The following PSMC3 variants were observed in gnomAD, a reference collection of about 807,000 sequenced individuals.
PSMC3 encodes 26S proteasome regulatory subunit 6A.
Under a neutral mutation model 52.0 loss-of-function variants are expected in PSMC3, and 11 were observed. That is an observed-to-expected ratio of 0.21 (90% CI 0.13 to 0.35). The LOEUF (loss-of-function observed/expected upper bound fraction) is 0.35. Ranked by LOEUF, PSMC3 falls within the 10% of genes least tolerant of loss-of-function variation. The pLI, the probability that PSMC3 is intolerant of heterozygous loss-of-function variation, is 1.00. For synonymous variants in PSMC3, 201 were observed against 218.8 expected (o/e 0.92, Z 0.72); for missense variants, 238 against 567.1 (o/e 0.42, Z 5.89).
In PSMC3 at chr11:47,420,223, G is replaced by A. The variant is rs766802835; in HGVS notation, c.1127+41C>T. 59 of 1,603,660 alleles carry A rather than the reference G, an allele frequency of 3.7e-5. No homozygotes were observed. In the South Asian group the frequency reaches 4.3e-4, roughly 12 times the overall value. On this transcript the variant is annotated intron_variant, in intron 10 of 11. Transcript: ENST00000298852. ...AAGCATGGCAGAGACATCCTCCTGC[G>A]CCTGTTCAGGTCTCTGTGCCCTGCC...
Position 47,424,002 on chromosome 11 carries a change from TA to T in PSMC3, c.591+43del, listed in dbSNP as rs747885819. ...AGCTGCATCAATGGCGTGGAGAAAC[TA>T]AAAGGCTGACAAGGCTGCTGGCAGC... On this transcript the variant is annotated intron_variant, in intron 6 of 11. Coordinates refer to ENST00000298852, the MANE Select transcript of PSMC3 (RefSeq NM_002804.5). The surrounding 1 kb of genome is among the most constrained non-coding windows in gnomAD (Gnocchi z 4.8). 2 of 1,613,748 alleles carry T rather than the reference TA, an allele frequency of 1.2e-6. No homozygotes were observed. The highest frequency in any genetic ancestry group is 1.7e-6 in the Non-Finnish European group (2 of 1,179,778).
Position 47,419,070 on chromosome 11 carries a change from G to T in PSMC3, c.1209+46C>A, listed in dbSNP as rs771796145. Reference sequence around the variant, plus strand: ...ATGCCCCCATCCTGTCCAGGGAGGGGGCAAGAAGGCACAAAGCAACGCACC... The same window carrying T: ...ATGCCCCCATCCTGTCCAGGGAGGGTGCAAGAAGGCACAAAGCAACGCACC... On this transcript the variant is annotated intron_variant, in intron 11 of 11. Transcript: ENST00000298852. 2.5e-6 allele frequency: 4 copies of T among 1,611,482 alleles called. No homozygotes were observed. In the South Asian group the frequency reaches 4.4e-5, roughly 18 times the overall value.
At chr11:47,425,453 G>T in intron 2 of PSMC3, 1 of 619,412 alleles carries the variant, frequency 1.6e-6, no homozygotes, top group South Asian at 2.0e-5. Context: ...TGGTGAAATA[G>T]TGGTAGTATT....
Position 47,424,857 on chromosome 11 carries a change from C to T in PSMC3, c.286-146G>A. The T allele has an allele frequency of 1.2e-6, 1 of 852,164 alleles. No homozygotes were observed. Among genetic ancestry groups the T allele is most frequent in the Non-Finnish European group, 1.9e-6 (1 of 534,744 alleles). The allele number at this position is 852,164 out of a possible 1,614,324, so 52.8% of individuals were successfully genotyped here. On this transcript the variant is annotated intron_variant, in intron 3 of 11. Transcript: ENST00000298852. This position sits in a 1 kb window ranked among gnomAD's most constrained non-coding sequence, Gnocchi z 4.8. ...CCAAACGTGGGTGCCCCTGCTAAGC[C>T]CAGGGATTGATCTCTGTGTAGGTGC... is the stretch of plus-strand genomic sequence containing the variant.
intron 3 of PSMC3, 117 bp downstream of exon 3, chr11:47,425,004 A>G: frequency 6.9e-7 from 1 of 1,450,860 alleles, no homozygotes; most frequent in Non-Finnish European, 9.5e-7. Context: ...CAGGAGGTGT[A>G]GCTCTGACAT....
At chr11:47,420,875 T>C (rs1052611170) in intron 8 of PSMC3, 148 bp from the exon 9 acceptor site, 55 of 632,532 alleles carry the variant, frequency 8.7e-5, no homozygotes, top group African/African-American at 7.0e-4. Flanking sequence ...GACTGGCACA[T>C]AAAAAGTGTC....
At position 47,419,094 on chromosome 11, in the gene PSMC3, C is replaced by G. The variant is rs1406701926; in HGVS notation, c.1209+22G>C. On this transcript the variant is annotated intron_variant, in intron 11 of 11. Transcript: ENST00000298852. ...GGGCAAGAAGGCACAAAGCAACGCACCCACCCCAGCTGACCACTCACCGCC... is the reference window on the plus strand; with the variant it reads ...GGGCAAGAAGGCACAAAGCAACGCAGCCACCCCAGCTGACCACTCACCGCC... 6.8e-6 allele frequency: 11 copies of G among 1,613,968 alleles called. No homozygotes were observed. The East Asian group carries it at 2.0e-4, about 29-fold the overall frequency.
At position 47,426,224 on chromosome 11, in the gene PSMC3, G is replaced by T. The variant is rs2096046285; in HGVS notation, c.56C>A (p.Thr19Asn). ...GCCCACCTCGGCCTCATCCCACACGGTCGCCATCTTCTCCTGCCGAGTCAC... is the reference window on the plus strand; with the variant it reads ...GCCCACCTCGGCCTCATCCCACACGTTCGCCATCTTCTCCTGCCGAGTCAC... ...SPVTRQEKMA[T>N]VWDEAEQDGI... Residue 19 changes from threonine to asparagine, a missense_variant, in exon 1 of 12, where the codon ACC becomes AAC. Thr to Asn is a moderately conservative substitution (Grantham distance 65). Transcript: ENST00000298852. The T allele has an allele frequency of 6.4e-7, 1 of 1,560,540 alleles. No homozygotes were observed. Among genetic ancestry groups the T allele is most frequent in the Non-Finnish European group, 8.7e-7 (1 of 1,153,048 alleles).
At chr11:47,423,047 C>T in intron 6 of PSMC3, 74 bp from the exon 7 acceptor site, 1 of 1,414,462 alleles carries the variant, frequency 7.1e-7, no homozygotes, top group Non-Finnish European at 9.6e-7. Flanking sequence ...ATGGCTCCAA[C>T]CCCAATCTGC....
In PSMC3 at chr11:47,420,343, G is replaced by A. The variant is rs1469627112; in HGVS notation, c.1048C>T (p.Arg350Cys). The A allele has an allele frequency of 6.2e-7, 1 of 1,614,186 alleles. No homozygotes were observed. Among genetic ancestry groups the A allele is most frequent in the Admixed American group, 1.7e-5 (1 of 60,016 alleles). The change falls in exon 10 of 12, where the codon CGC (arginine) becomes TGC (cysteine). Residue 350 changes from arginine to cysteine, a missense_variant. By Grantham distance (180) the Arg-to-Cys change is radical. Transcript: ENST00000298852. ...TTGGGCATCGGGAACTCTATCTTGC[G>A]GTCAAGGCGGCCCGAGCGGAGGAGG... is the stretch of plus-strand genomic sequence containing the variant. ...PALLRSGRLD[R>C]KIEFPMPNEE...
rs778986316 is a variant in PSMC3, at chr11:47,422,748, G to A, written c.736-26C>T. ...CTGGCAGGAAAAGGTGGTAGAGTCA[G>A]GTCAAAGGCAGACCCTTTGAGCCCA... On this transcript the variant is annotated intron_variant, in intron 7 of 11. Transcript: ENST00000298852. This position sits in a 1 kb window ranked among gnomAD's most constrained non-coding sequence, Gnocchi z 4.3. The A allele has an allele frequency of 6.2e-7, 1 of 1,613,544 alleles. No individual in the cohort carries two copies. The highest frequency in any genetic ancestry group is 8.5e-7 in the Non-Finnish European group (1 of 1,179,686).
chr11:47,419,584 G>A (rs1437520091), intron 10 of PSMC3, among the ~76,000 whole-genome samples: 2 of 152,166 alleles, frequency 1.3e-5, no homozygotes, highest in African/African-American at 4.8e-5. Context: ...CTGAGGCCGG[G>A]CGTGGTGGCT....
chr11:47,424,834 A>G lies in PSMC3; in HGVS notation c.286-123T>C. 1 of 937,012 alleles carries G rather than the reference A, an allele frequency of 1.1e-6. No homozygotes were observed. Among genetic ancestry groups the G allele is most frequent in the East Asian group, 2.6e-5 (1 of 38,790 alleles). 58.0% of individuals were successfully genotyped at this position (937,012 alleles called of 1,614,324 possible). A position where few individuals can be genotyped will look rare whatever the true frequency, so the allele number is the denominator to read the frequency against. ...CTCCTCCAATAGCCCTGAGCCCACC[A>G]AACGTGGGTGCCCCTGCTAAGCCCA... On this transcript the variant is annotated intron_variant, in intron 3 of 11. Coordinates refer to ENST00000298852, the MANE Select transcript of PSMC3 (RefSeq NM_002804.5). This position sits in a 1 kb window ranked among gnomAD's most constrained non-coding sequence, Gnocchi z 4.8.
rs754480587 is a variant in PSMC3 at position 47,424,544 on chromosome 11, C to T, written c.391-53G>A. ...AGTTAGTGTCCTCAGGGAAGGCTCC[C>T]TAGTCCTGTCCCACATCCGCTCCTC... On this transcript the variant is annotated intron_variant, in intron 4 of 11. Transcript: ENST00000298852. This position sits in a 1 kb window ranked among gnomAD's most constrained non-coding sequence, Gnocchi z 4.8. 1.7e-5 allele frequency: 28 copies of T among 1,607,186 alleles called. No individual in the cohort carries two copies. The East Asian group carries it at 4.9e-4, about 28-fold the overall frequency.
chr11:47,426,414 C>G lies in PSMC3; in HGVS notation c.-135G>C, dbSNP rs1004521447. On this transcript the variant is annotated 5_prime_UTR_variant, in exon 1 of 12. Transcript: ENST00000298852. ...TCCCGACTCTTGACCCGACCAGCTC[C>G]GGCCGTGCTGCGGAGCAGCGAATCT... is the stretch of plus-strand genomic sequence containing the variant. 1.8e-5 allele frequency: 13 copies of G among 732,814 alleles called. No individual in the cohort carries two copies. In the African/African-American group the frequency reaches 2.2e-4, roughly 12 times the overall value. 45.4% of individuals were successfully genotyped at this position (732,814 alleles called of 1,614,324 possible).
Position 47,422,163 on chromosome 11 carries a change from C to T in PSMC3, c.884+411G>A, listed in dbSNP as rs1193430025. On this transcript the variant is annotated intron_variant, in intron 8 of 11. Transcript: ENST00000298852. The surrounding 1 kb of genome is among the most constrained non-coding windows in gnomAD (Gnocchi z 4.3). Reference sequence around the variant, plus strand: ...GTTCAAGTGATTCTTGTGCCTCAGCCTCCCAGGCATCTGGGACTACAGGCG... The same window carrying T: ...GTTCAAGTGATTCTTGTGCCTCAGCTTCCCAGGCATCTGGGACTACAGGCG... Among the ~76,000 whole-genome samples, 2 of 152,102 alleles carry T rather than the reference C, an allele frequency of 1.3e-5. No individual in the cohort carries two copies. The highest frequency in any genetic ancestry group is 2.9e-5 in the Non-Finnish European group (2 of 68,036).
chr11:47,425,397 C>T (rs2096045234), intron 2 of PSMC3, 151 bp from the exon 3 acceptor site: 2 of 919,928 alleles, frequency 2.2e-6, no homozygotes, highest in Admixed American at 2.5e-5. Flanking sequence ...CTGACTGTGT[C>T]CACATCCTGC....
intron 9 of PSMC3, 46 bp downstream of exon 9, chr11:47,420,585 T>C: frequency 6.5e-7 from 1 of 1,535,764 alleles, no homozygotes; most frequent in South Asian, 1.2e-5. Flanking sequence ...TGACAGCTCC[T>C]GACCTCTGAG....
chr11:47,423,438 C>T (rs889557146), intron 6 of PSMC3, among the ~76,000 whole-genome samples: 2 of 151,724 alleles, frequency 1.3e-5, no homozygotes, highest in African/African-American at 4.8e-5. Flanking sequence ...GAACACTCAT[C>T]CCCACCCAGG....
Sources: gnomAD v4.1 joint callset for allele counts (sites outside exome capture counted in the v4.1 genomes callset) on GRCh38, gnomAD v4.1.1 for gene constraint, Gnocchi (gnomAD v3.1) non-coding constraint, MANE v1.5 for transcripts, NCBI Gene and HGNC (gene_info 2026-07-23, HGNC 2026-07-21) for gene names.